DLGAP4: variants seen among roughly 807,000 people sequenced by gnomAD.
DLGAP4 encodes disks large-associated protein 4.
A neutral mutation model predicts 86.9 loss-of-function variants in DLGAP4; 18 were observed. The ratio of observed to expected loss-of-function variants is 0.21; its 90% confidence interval spans 0.14 to 0.31. The LOEUF (loss-of-function observed/expected upper bound fraction) is 0.31, where lower values mean the gene tolerates loss of function less well. DLGAP4 is among the 10% of genes least tolerant of loss of function. DLGAP4 has a pLI of 1.00. For synonymous variants in DLGAP4, 548 were observed against 574.3 expected (o/e 0.95, Z 0.65); for missense variants, 1,085 against 1,362.6 (o/e 0.80, Z 3.21).
At chr20:36,312,797 T>G (rs1319067979) in intron 1 of DLGAP4, among the ~76,000 whole-genome samples, 1 of 152,130 alleles carries the variant, frequency 6.6e-6, no homozygotes, top group African/African-American at 2.4e-5. Context: ...TTTTTCTTCC[T>G]GCAGTGACAG....
chr20:36,324,692 C>G (rs984421513), intron 1 of DLGAP4, among the ~76,000 whole-genome samples: 2 of 152,148 alleles, frequency 1.3e-5, no homozygotes, highest in Non-Finnish European at 2.9e-5. Context: ...TTCCATTGAT[C>G]TATCCTTATG....
chr20:36,465,428 A>T (rs1302072787), intron 7 of DLGAP4: 1 of 152,302 alleles, frequency 6.6e-6, no homozygotes, highest in Non-Finnish European at 1.5e-5. Context: ...CCACAGCCAC[A>T]GCAGTGACAG....
intron 2 of DLGAP4, among the ~76,000 whole-genome samples, chr20:36,396,751 C>A (rs957294913): frequency 6.6e-6 from 1 of 151,896 alleles, no homozygotes. Flanking sequence ...GACTTCTCAC[C>A]CTGAAGGCAG....
intron 2 of DLGAP4, among the ~76,000 whole-genome samples, chr20:36,394,479 T>C (rs2031883163): frequency 6.6e-6 from 1 of 151,984 alleles, no homozygotes; most frequent in Non-Finnish European, 1.5e-5. Context: ...GGTCCCCATC[T>C]CCCCCGGGGC....
At chr20:36,316,873 G>C (rs1010413281) in intron 1 of DLGAP4, among the ~76,000 whole-genome samples, 1 of 152,146 alleles carries the variant, frequency 6.6e-6, no homozygotes, top group African/African-American at 2.4e-5. Flanking sequence ...TGGCACTAAG[G>C]GGGTAACTGA....
At chr20:36,344,756 T>C (rs1263043556) in intron 1 of DLGAP4, among the ~76,000 whole-genome samples, 3 of 152,226 alleles carry the variant, frequency 2.0e-5, no homozygotes, top group East Asian at 1.9e-4. Flanking sequence ...CCTAGGGCCC[T>C]GGGTGTGAGG....
chr20:36,459,852 C>T (rs905135496), intron 7 of DLGAP4, among the ~76,000 whole-genome samples: 20 of 152,212 alleles, frequency 1.3e-4, no homozygotes, highest in Non-Finnish European at 2.6e-4. Flanking sequence ...GGTGATCCTC[C>T]CGCCTTGGCC....
rs539159130 is a variant in DLGAP4, at chr20:36,333,719, G to C, written c.-304+27207G>C. On this transcript the variant is annotated intron_variant, in intron 1 of 12. Coordinates refer to ENST00000339266, the MANE Select transcript of DLGAP4 (RefSeq NM_001365621.2). ...CTGTAGGCCAGGTCTTCCTGGCTGG[G>C]TCTGCCCCTGCTGGCCTCGAAGCCC... Among the ~76,000 whole-genome samples the C allele has an allele frequency of 1.1e-4, 16 of 152,378 alleles. 1 individual carries two copies. The highest frequency in any genetic ancestry group is 3.8e-4 in the African/African-American group (16 of 41,596).
intron 7 of DLGAP4, among the ~76,000 whole-genome samples, chr20:36,459,224 A>G (rs1267503994): frequency 6.6e-6 from 1 of 152,290 alleles, no homozygotes; most frequent in Admixed American, 6.6e-5. Context: ...ACTGGAGTAC[A>G]GTAGATGTTC....
chr20:36,359,610 T>C (rs782507113), intron 1 of DLGAP4, among the ~76,000 whole-genome samples: 1 of 152,172 alleles, frequency 6.6e-6, no homozygotes, highest in East Asian at 1.9e-4. Context: ...TTTCTGAGGC[T>C]CGGTGTCCTC....
At chr20:36,366,960 C>G (rs904661407) in intron 1 of DLGAP4, 85 bp from the exon 2 acceptor site, 1 of 152,274 alleles carries the variant, frequency 6.6e-6, no homozygotes, top group Non-Finnish European at 1.5e-5. Flanking sequence ...CTCCTTCCCT[C>G]GTGTCCCCAG....
intron 5 of DLGAP4, among the ~76,000 whole-genome samples, chr20:36,440,918 G>A (rs2033428688): frequency 6.6e-6 from 1 of 152,032 alleles, no homozygotes; most frequent in East Asian, 1.9e-4. Flanking sequence ...AAGGCTTTGG[G>A]ACCCCGACTC....
At position 36,401,097 on chromosome 20, in the gene DLGAP4, A is replaced by G. The variant is rs540909343; in HGVS notation, c.-72-30549A>G. 4.6e-5 allele frequency among the ~76,000 whole-genome samples: 7 copies of G among 152,112 alleles called. No homozygotes were observed. In the South Asian group the frequency reaches 1.5e-3, roughly 32 times the overall value. On this transcript the variant is annotated intron_variant, in intron 2 of 12. Coordinates refer to ENST00000339266, the MANE Select transcript of DLGAP4 (RefSeq NM_001365621.2). ...CCACCCGCCCAGCAACCAGAGACCT[A>G]ACCTGGCCCCGGCCAATTGGGCAGC...
At chr20:36,310,891 G>A (rs1057365318) in intron 1 of DLGAP4, among the ~76,000 whole-genome samples, 1 of 152,190 alleles carries the variant, frequency 6.6e-6, no homozygotes, top group Admixed American at 6.5e-5. Flanking sequence ...CCTGTGTGTT[G>A]CACCAAAGAC....
At chr20:36,408,053 G>C (rs2032376945) in intron 2 of DLGAP4, among the ~76,000 whole-genome samples, 1 of 152,042 alleles carries the variant, frequency 6.6e-6, no homozygotes, top group South Asian at 2.1e-4. Flanking sequence ...AGGGCCCTTT[G>C]TCGGGGGCTT....
At chr20:36,366,918 C>T (rs953956010) in intron 1 of DLGAP4, 127 bp from the exon 2 acceptor site, 1 of 152,238 alleles carries the variant, frequency 6.6e-6, no homozygotes, top group Non-Finnish European at 1.5e-5. Flanking sequence ...TGTGCAAACA[C>T]TTGGGTTTCT....
At chr20:36,417,771 T>TG (rs5841229) in intron 2 of DLGAP4, among the ~76,000 whole-genome samples, 2 of 150,780 alleles carry the variant, frequency 1.3e-5, no homozygotes, top group African/African-American at 4.9e-5. Context: ...TGGGTTTTTT[T>TG]GGTTTTTTTT....
intron 6 of DLGAP4, among the ~76,000 whole-genome samples, chr20:36,446,328 G>A (rs774393761): frequency 2.6e-5 from 4 of 152,158 alleles, no homozygotes; most frequent in South Asian, 2.1e-4. Flanking sequence ...GCTACCTACC[G>A]CCACCCCCAT....
chr20:36,435,782 C>G (rs2033256813), intron 3 of DLGAP4, among the ~76,000 whole-genome samples: 1 of 152,214 alleles, frequency 6.6e-6, no homozygotes, highest in Non-Finnish European at 1.5e-5. Flanking sequence ...TAAGCATCCC[C>G]TGAGAGTCCA....
Sources: allele counts gnomAD v4.1 joint callset (sites outside exome capture counted in the v4.1 genomes callset), GRCh38; gene constraint gnomAD v4.1.1; transcripts MANE v1.5; gene names NCBI Gene and HGNC (gene_info 2026-07-23, HGNC 2026-07-21).